The following NEURL1B variants were observed in gnomAD, a reference collection of about 807,000 sequenced individuals.
NEURL1B encodes E3 ubiquitin-protein ligase NEURL1B.
A neutral mutation model predicts 37.4 loss-of-function variants in NEURL1B; 13 were observed. The ratio of observed to expected loss-of-function variants is 0.35; its 90% confidence interval spans 0.23 to 0.55. The LOEUF is 0.55. Among genes scored for constraint, NEURL1B ranks in the 20% least tolerant of loss-of-function variants. The pLI is 0.89. For synonymous variants in NEURL1B, 432 were observed against 426.6 expected (o/e 1.01, Z -0.16); for missense variants, 790 against 879.2 (o/e 0.90, Z 1.28).
At chr5:172,666,580 C>A (rs1295593631) in intron 1 of NEURL1B, among the ~76,000 whole-genome samples, 1 of 152,104 alleles carries the variant, frequency 6.6e-6, no homozygotes, top group Non-Finnish European at 1.5e-5. Context: ...TGAGGTCGAT[C>A]CACTAGCTGG....
At chr5:172,672,545 C>CCCT in intron 2 of NEURL1B, among the ~76,000 whole-genome samples, 1 of 130,736 alleles carries the variant, frequency 7.6e-6, no homozygotes, top group South Asian at 2.5e-4. Context: ...AACTCTCCCC[C>CCCT]CCCCACTCTA....
Position 172,683,739 on chromosome 5 carries a change from T to A in NEURL1B, c.898T>A (p.Cys300Ser). The A allele has an allele frequency of 7.5e-7, 1 of 1,332,380 alleles. No homozygotes were observed. The allele number at this position is 1,332,380 out of a possible 1,614,324, so 82.5% of individuals were successfully genotyped here. The change falls in exon 3 of 5, where the codon TGC becomes AGC. Residue 300 changes from cysteine (C) to serine (S), a missense_variant. Coordinates refer to ENST00000369800, the MANE Select transcript of NEURL1B (RefSeq NM_001142651.3). This position sits in a 1 kb window ranked among gnomAD's most constrained non-coding sequence, Gnocchi z 5.6. Reference sequence around the variant, plus strand: ...CCTGTCGGCCGACCGCAAAGTGGCCTGCGCACCGCGGCCCGACGGCGGCCG... The same window carrying A: ...CCTGTCGGCCGACCGCAAAGTGGCCAGCGCACCGCGGCCCGACGGCGGCCG... Reference protein sequence around the residue: ...VSLSADRKVACAPRPDGGRTL... With the variant: ...VSLSADRKVASAPRPDGGRTL...
Position 172,657,771 on chromosome 5 carries a change from C to T in NEURL1B, c.32-12014C>T, listed in dbSNP as rs1757822629. Among the ~76,000 whole-genome samples the T allele has an allele frequency of 6.6e-6, 1 of 152,190 alleles. No homozygotes were observed. The highest frequency in any genetic ancestry group is 1.5e-5 in the Non-Finnish European group (1 of 68,034). Reference sequence around the variant, plus strand: ...CTTCTTGTGGAAGGCTGGATATTATCCAGGCCTGCCCGCAGTCATCCGGAG... The same window carrying T: ...CTTCTTGTGGAAGGCTGGATATTATTCAGGCCTGCCCGCAGTCATCCGGAG... On this transcript the variant is annotated intron_variant, in intron 1 of 4. Transcript: ENST00000369800. This position sits in a 1 kb window ranked among gnomAD's most constrained non-coding sequence, Gnocchi z 4.0.
Position 172,670,134 on chromosome 5 carries a change from C to T in NEURL1B, c.381C>T (p.Gly127=), listed in dbSNP as rs1188523903. 12 of 1,513,230 alleles carry T rather than the reference C, an allele frequency of 7.9e-6. No homozygotes were observed. Among genetic ancestry groups the T allele is most frequent in the Non-Finnish European group, 1.1e-5 (12 of 1,137,326 alleles). 93.7% of individuals were successfully genotyped at this position (1,513,230 alleles called of 1,614,324 possible). A position where few individuals can be genotyped will look rare whatever the true frequency, so the allele number is the denominator to read the frequency against. Residue 127 remains glycine, a synonymous_variant, in exon 2 of 5, where the codon GGC becomes GGT. Coordinates refer to ENST00000369800, the MANE Select transcript of NEURL1B (RefSeq NM_001142651.3). Reference sequence around the variant, plus strand: ...GCCCGGACCTGGTCACGCGGCCGGGCTACTGGGCCAAGGCACTGCCCGAGA... The same window carrying T: ...GCCCGGACCTGGTCACGCGGCCGGGTTACTGGGCCAAGGCACTGCCCGAGA... ...YACPDLVTRP[G]YWAKALPENL...
chr5:172,682,715 G>C (rs1053726968), intron 2 of NEURL1B, among the ~76,000 whole-genome samples: 21 of 152,230 alleles, frequency 1.4e-4, no homozygotes, highest in Admixed American at 1.2e-3. Context: ...AGTGAGGACA[G>C]ACCCAGGTCC....
Position 172,683,409 on chromosome 5 carries a change from G to A in NEURL1B, c.578-10G>A, listed in dbSNP as rs889933381. 1 of 1,338,836 alleles carries A rather than the reference G, an allele frequency of 7.5e-7. No homozygotes were observed. Among genetic ancestry groups the A allele is most frequent in the South Asian group, 1.8e-5 (1 of 56,330 alleles). The allele number at this position is 1,338,836 out of a possible 1,614,324, so 82.9% of individuals were successfully genotyped here. A position where few individuals can be genotyped will look rare whatever the true frequency, so the allele number is the denominator to read the frequency against. ...TCTCCCCCTCCATGTCCCTCCCTTT[G>A]TCCGCACAGAGAGCGCCTTCGCTGA... On this transcript the variant is annotated splice_polypyrimidine_tract_variant and intron_variant, in intron 2 of 4. Coordinates refer to ENST00000369800, the MANE Select transcript of NEURL1B (RefSeq NM_001142651.3). This position sits in a 1 kb window ranked among gnomAD's most constrained non-coding sequence, Gnocchi z 5.6.
At chr5:172,685,330 G>A (rs538951521) in intron 3 of NEURL1B, among the ~76,000 whole-genome samples, 1 of 152,270 alleles carries the variant, frequency 6.6e-6, no homozygotes, top group African/African-American at 2.4e-5. Context: ...TTTTGGGGAG[G>A]GGGAAGTTGT....
chr5:172,670,206 C>A lies in NEURL1B; in HGVS notation c.453C>A (p.His151Gln). The A allele has an allele frequency of 6.9e-7, 1 of 1,455,904 alleles. No homozygotes were observed. The highest frequency in any genetic ancestry group is 2.8e-5 in the East Asian group (1 of 36,076). 90.2% of individuals were successfully genotyped at this position (1,455,904 alleles called of 1,614,324 possible). A position where few individuals can be genotyped will look rare whatever the true frequency, so the allele number is the denominator to read the frequency against. ...TGCTGGCCTACTGGGCCGACCGCCA[C>A]GGCCGCGTGTTCTACAGCGTGAACG... ...DTVLAYWADR[H>Q]GRVFYSVNDG... The change falls in exon 2 of 5, where the codon CAC becomes CAA. Residue 151 changes from histidine to glutamine, a missense_variant. His to Gln is a conservative substitution (Grantham distance 24). Coordinates refer to ENST00000369800, the MANE Select transcript of NEURL1B (RefSeq NM_001142651.3).
In NEURL1B at chr5:172,676,924, C is replaced by T. The variant is rs985712045; in HGVS notation, c.578-6495C>T. 1.3e-5 allele frequency among the ~76,000 whole-genome samples: 2 copies of T among 152,212 alleles called. No individual in the cohort carries two copies. The highest frequency in any genetic ancestry group is 2.9e-5 in the Non-Finnish European group (2 of 68,044). On this transcript the variant is annotated intron_variant, in intron 2 of 4. Coordinates refer to ENST00000369800, the MANE Select transcript of NEURL1B (RefSeq NM_001142651.3). This position sits in a 1 kb window ranked among gnomAD's most constrained non-coding sequence, Gnocchi z 4.5. Reference sequence around the variant, plus strand: ...TATAAACAAAGTGTGTGATAAAGACCTGAACTTATGGAGTTAAATGCAGGG... The same window carrying T: ...TATAAACAAAGTGTGTGATAAAGACTTGAACTTATGGAGTTAAATGCAGGG...
At chr5:172,672,938 CAGAA>C (rs1475624380) in intron 2 of NEURL1B, among the ~76,000 whole-genome samples, 14 of 152,204 alleles carry the variant, frequency 9.2e-5, no homozygotes, top group African/African-American at 3.1e-4. Context: ...CTTTTACAGT[CAGAA>C]AGAGCAATAA....
rs915327802 is a variant in NEURL1B, at chr5:172,689,989, C to T, written c.*3064C>T. On this transcript the variant is annotated 3_prime_UTR_variant, in exon 5 of 5. Transcript: ENST00000369800. ...GGAAGGGACCTGGGGCCTTGTCCCA[C>T]CACCTTCCTAGGCCCCGTGATCACC... is the stretch of plus-strand genomic sequence containing the variant. 3 of 152,244 alleles carry T rather than the reference C, an allele frequency of 2.0e-5. No individual in the cohort carries two copies. Among genetic ancestry groups the T allele is most frequent in the African/African-American group, 7.2e-5 (3 of 41,432 alleles). The allele number at this position is 152,244 out of a possible 1,614,324, so 9.4% of individuals were successfully genotyped here.
intron 2 of NEURL1B, among the ~76,000 whole-genome samples, chr5:172,682,640 T>C (rs1758378610): frequency 6.6e-6 from 1 of 152,222 alleles, no homozygotes; most frequent in Non-Finnish European, 1.5e-5. Context: ...CCCGTAGACT[T>C]TTTTCTGTCA....
Position 172,690,140 on chromosome 5 carries a change from CAG to C in NEURL1B, c.*3216_*3217del, listed in dbSNP as rs756317461. 1 of 152,388 alleles carries C rather than the reference CAG, an allele frequency of 6.6e-6. No individual in the cohort carries two copies. Among genetic ancestry groups the C allele is most frequent in the Non-Finnish European group, 1.5e-5 (1 of 68,148 alleles). 9.4% of individuals were successfully genotyped at this position (152,388 alleles called of 1,614,324 possible). On this transcript the variant is annotated 3_prime_UTR_variant, in exon 5 of 5. Coordinates refer to ENST00000369800, the MANE Select transcript of NEURL1B (RefSeq NM_001142651.3). Reference sequence around the variant, plus strand: ...AGCAGCCAGGGCTCCAGGGCGAGGACAGGGGACACCTGAAAACACCCCGTTGT... The same window carrying C: ...AGCAGCCAGGGCTCCAGGGCGAGGACGGGACACCTGAAAACACCCCGTTGT...
Position 172,669,869 on chromosome 5 carries a change from C to T in NEURL1B, c.116C>T (p.Pro39Leu). The T allele has an allele frequency of 7.1e-7, 1 of 1,402,660 alleles. No homozygotes were observed. The highest frequency in any genetic ancestry group is 9.3e-7 in the Non-Finnish European group (1 of 1,078,590). 86.9% of individuals were successfully genotyped at this position (1,402,660 alleles called of 1,614,324 possible). ...PERRPVLGEA[P>L]RFHAQAKGKN... ...CGACGCCCGGTCCTGGGCGAGGCGC[C>T]GCGCTTCCACGCGCAGGCCAAAGGC... Residue 39 changes from proline to leucine, a missense_variant, in exon 2 of 5, where the codon CCG (proline) becomes CTG (leucine). Transcript: ENST00000369800.
intron 2 of NEURL1B, among the ~76,000 whole-genome samples, chr5:172,682,602 CATTT>C (rs981757899): frequency 2.0e-5 from 3 of 152,172 alleles, no homozygotes; most frequent in African/African-American, 7.2e-5. Flanking sequence ...CTTTTCCCTT[CATTT>C]AGTTTTATCA....
chr5:172,649,956 A>G (rs1277667743), intron 1 of NEURL1B, among the ~76,000 whole-genome samples: 1 of 149,006 alleles, frequency 6.7e-6, no homozygotes, highest in African/African-American at 2.4e-5. Flanking sequence ...CGCTAGCCTC[A>G]CTTCTAGGCA....
chr5:172,682,297 G>A (rs532028541), intron 2 of NEURL1B, among the ~76,000 whole-genome samples: 17 of 152,228 alleles, frequency 1.1e-4, no homozygotes, highest in Admixed American at 2.6e-4. Flanking sequence ...CCCTTCGGCC[G>A]GGCGTGCTGA....
Position 172,641,955 on chromosome 5 carries a change from G to C in NEURL1B, c.31+518G>C, listed in dbSNP as rs1034830630. On this transcript the variant is annotated intron_variant, in intron 1 of 4. Coordinates refer to ENST00000369800, the MANE Select transcript of NEURL1B (RefSeq NM_001142651.3). The surrounding 1 kb of genome is among the most constrained non-coding windows in gnomAD (Gnocchi z 6.4). ...TGGCCACGTTCCCACGCGCACCCCG[G>C]TTGCGCCCCCCTCTGGTGTCCGCTC... is the stretch of plus-strand genomic sequence containing the variant. 1.3e-5 allele frequency among the ~76,000 whole-genome samples: 2 copies of C among 152,166 alleles called. No homozygotes were observed. Among genetic ancestry groups the C allele is most frequent in the Non-Finnish European group, 2.9e-5 (2 of 68,032 alleles).
Position 172,689,652 on chromosome 5 carries a change from G to T in NEURL1B, c.*2727G>T, listed in dbSNP as rs1273525423. ...TGATCACACAACAGGAGATGGCAGGGCTGGGATTCAAACCCGGGAGTGTCT... is the reference window on the plus strand; with the variant it reads ...TGATCACACAACAGGAGATGGCAGGTCTGGGATTCAAACCCGGGAGTGTCT... On this transcript the variant is annotated 3_prime_UTR_variant, in exon 5 of 5. Coordinates refer to ENST00000369800, the MANE Select transcript of NEURL1B (RefSeq NM_001142651.3). 1.3e-5 allele frequency: 2 copies of T among 152,222 alleles called. No individual in the cohort carries two copies. Among genetic ancestry groups the T allele is most frequent in the African/African-American group, 2.4e-5 (1 of 41,454 alleles). The allele number at this position is 152,222 out of a possible 1,614,324, so 9.4% of individuals were successfully genotyped here. A position where few individuals can be genotyped will look rare whatever the true frequency, so the allele number is the denominator to read the frequency against.
Sources: allele counts gnomAD v4.1 joint callset (sites outside exome capture counted in the v4.1 genomes callset), GRCh38; gene constraint gnomAD v4.1.1; non-coding constraint Gnocchi (gnomAD v3.1); transcripts MANE v1.5; gene names NCBI Gene and HGNC (gene_info 2026-07-23, HGNC 2026-07-21).